The following ADARB2 variants were observed in gnomAD, a reference collection of about 807,000 sequenced individuals.
ADARB2 encodes inactive double-stranded RNA-specific editase B2.
ADARB2 carries 25 observed loss-of-function variants against 62.2 expected under a neutral mutation model. That is an observed-to-expected ratio of 0.40 (90% CI 0.29 to 0.56). The LOEUF (loss-of-function observed/expected upper bound fraction) is 0.56, where lower values mean the gene tolerates loss of function less well. Ranked by LOEUF, ADARB2 falls within the 20% of genes least tolerant of loss-of-function variation. The pLI is 0.43. For missense variants in ADARB2, 1,071 were observed against 1,077.4 expected (o/e 0.99, Z 0.08); for synonymous variants, 572 against 500.8 (o/e 1.14, Z -1.90).
At chr10:1,490,654 C>T (rs1400375144) in intron 1 of ADARB2, among the ~76,000 whole-genome samples, 1 of 152,124 alleles carries the variant, frequency 6.6e-6, no homozygotes, top group Non-Finnish European at 1.5e-5. Flanking sequence ...GGGGTTTCTC[C>T]ATGTTGTCCA....
At chr10:1,669,266 G>A (rs1834350550) in intron 1 of ADARB2, among the ~76,000 whole-genome samples, 1 of 152,174 alleles carries the variant, frequency 6.6e-6, no homozygotes, top group Non-Finnish European at 1.5e-5. Flanking sequence ...TACCACGCGT[G>A]TCTCCCAGGG....
intron 1 of ADARB2, among the ~76,000 whole-genome samples, chr10:1,437,908 C>A (rs1348302916): frequency 6.6e-6 from 1 of 152,224 alleles, no homozygotes; most frequent in Non-Finnish European, 1.5e-5. Flanking sequence ...GATCTGCTAT[C>A]TTTAATCTTC....
intron 3 of ADARB2, among the ~76,000 whole-genome samples, chr10:1,333,066 T>C (rs1322713724): frequency 6.6e-6 from 1 of 152,212 alleles, no homozygotes; most frequent in Non-Finnish European, 1.5e-5. Flanking sequence ...CAAGTGGCCA[T>C]CTCAGAACAC....
intron 3 of ADARB2, among the ~76,000 whole-genome samples, chr10:1,339,700 G>A (rs1832005487): frequency 1.3e-5 from 2 of 152,212 alleles, no homozygotes; most frequent in Admixed American, 6.5e-5. Context: ...CAGAGGGAGC[G>A]GGTGTGGGGC....
At chr10:1,315,394 T>C (rs113925920) in intron 3 of ADARB2, among the ~76,000 whole-genome samples, 3,849 of 152,344 alleles carry the variant, frequency 0.025, 165 homozygotes, top group African/African-American at 0.085. Flanking sequence ...GTCCTGAGCG[T>C]GGCGTTTGGC....
intron 1 of ADARB2, among the ~76,000 whole-genome samples, chr10:1,500,718 A>C (rs1415967478): frequency 1.3e-5 from 2 of 152,200 alleles, no homozygotes; most frequent in Non-Finnish European, 2.9e-5. Context: ...GCATATTTAG[A>C]CAGGAGCTTC....
In ADARB2 at chr10:1,179,139, A is replaced by AC. The variant is rs1836629415; in HGVS notation, c.*4053_*4054insG. ...TCTAAAAATAGGATTTCATCAAAAT[A>AC]ACTATTCTGGGCATTGATATCCTCT... On this transcript the variant is annotated 3_prime_UTR_variant, in exon 10 of 10. Coordinates refer to ENST00000381312, the MANE Select transcript of ADARB2 (RefSeq NM_018702.4). The AC allele has an allele frequency of 2.0e-5, 3 of 151,586 alleles. No homozygotes were observed. The highest frequency in any genetic ancestry group is 2.1e-4 in the South Asian group (1 of 4,794). 9.4% of individuals were successfully genotyped at this position (151,586 alleles called of 1,614,324 possible).
intron 3 of ADARB2, among the ~76,000 whole-genome samples, chr10:1,332,119 A>C (rs1013764132): frequency 4.6e-5 from 7 of 152,250 alleles, no homozygotes; most frequent in Non-Finnish European, 1.5e-5. Context: ...GAATGGACAC[A>C]CTTGCTGGGT....
intron 4 of ADARB2, among the ~76,000 whole-genome samples, chr10:1,243,719 G>A (rs1830949866): frequency 1.3e-5 from 2 of 152,236 alleles, no homozygotes; most frequent in Admixed American, 6.5e-5. Flanking sequence ...TGCCCCCATG[G>A]CTCTGCAGCT....
intron 3 of ADARB2, among the ~76,000 whole-genome samples, chr10:1,286,161 G>T (rs1379262513): frequency 2.6e-5 from 4 of 152,180 alleles, no homozygotes; most frequent in Non-Finnish European, 4.4e-5. Context: ...CGCAGGGCCA[G>T]AGTCCACATG....
At chr10:1,198,470 A>G (rs966410800) in intron 8 of ADARB2, among the ~76,000 whole-genome samples, 3 of 152,252 alleles carry the variant, frequency 2.0e-5, no homozygotes, top group Non-Finnish European at 4.4e-5. Context: ...TTAAATGTCC[A>G]TCAGGAACAA....
intron 2 of ADARB2, among the ~76,000 whole-genome samples, chr10:1,364,811 TATC>T (rs1266537842): frequency 3.3e-5 from 5 of 152,100 alleles, no homozygotes; most frequent in African/African-American, 1.2e-4. Context: ...TGAGCAACTC[TATC>T]AGCCCACTGA....
At chr10:1,310,763 C>T (rs955573864) in intron 3 of ADARB2, among the ~76,000 whole-genome samples, 5 of 152,124 alleles carry the variant, frequency 3.3e-5, no homozygotes, top group Non-Finnish European at 5.9e-5. Context: ...TCTCCTGTCC[C>T]GTTTCACTCT....
intron 3 of ADARB2, among the ~76,000 whole-genome samples, chr10:1,327,607 T>TCACTGCCCAGCGCCTCCC (rs1831881021): frequency 1.4e-5 from 1 of 72,564 alleles, no homozygotes; most frequent in Non-Finnish European, 2.8e-5. Flanking sequence ...CAGCGCCTCC[T>TCACTGCCCAGCGCCTCCC]CACTGCCCAG....
intron 1 of ADARB2, among the ~76,000 whole-genome samples, chr10:1,689,358 A>T (rs1215545117): frequency 6.6e-6 from 1 of 152,186 alleles, no homozygotes; most frequent in African/African-American, 2.4e-5. Flanking sequence ...AGAGAGGCAG[A>T]CTTAGAGCTT....
chr10:1,608,563 CAGAA>C (rs541742282), intron 1 of ADARB2, among the ~76,000 whole-genome samples: 77 of 131,030 alleles, frequency 5.9e-4, no homozygotes, highest in Admixed American at 1.1e-3. Flanking sequence ...GAAAGAAAGA[CAGAA>C]GGAGGGAAGG....
intron 1 of ADARB2, among the ~76,000 whole-genome samples, chr10:1,550,311 T>A (rs1426862716): frequency 6.6e-6 from 1 of 152,210 alleles, no homozygotes; most frequent in African/African-American, 2.4e-5. Context: ...AGTGCTAACC[T>A]CAAAGTACCA....
chr10:1,350,377 G>A (rs1368848927), intron 3 of ADARB2, among the ~76,000 whole-genome samples: 1 of 151,670 alleles, frequency 6.6e-6, no homozygotes, highest in African/African-American at 2.4e-5. Flanking sequence ...TGACCCCTCC[G>A]CTCCTCCCCA....
chr10:1,317,728 A>T lies in ADARB2; in HGVS notation c.1077+45300T>A, dbSNP rs563510948. The stretch of plus-strand genomic sequence containing the variant: ...CTGGGTCCCCCAAAAGCCCATCAGC[A>T]GGGGGCACAGGCAGGGGTAGGCCTG... On this transcript the variant is annotated intron_variant, in intron 3 of 9. Transcript: ENST00000381312. 4.0e-3 allele frequency among the ~76,000 whole-genome samples: 260 copies of T among 65,530 alleles called. 2 individuals carry two copies. Among genetic ancestry groups the T allele is most frequent in the African/African-American group, 0.025 (254 of 10,274 alleles). 43.0% of individuals were successfully genotyped at this position (65,530 alleles called of 152,430 possible).
Sources: gnomAD v4.1 joint callset for allele counts (sites outside exome capture counted in the v4.1 genomes callset) on GRCh38, gnomAD v4.1.1 for gene constraint, MANE v1.5 for transcripts, NCBI Gene and HGNC (gene_info 2026-07-23, HGNC 2026-07-21) for gene names.